The following LHX6 variants were observed in gnomAD, a reference collection of about 807,000 sequenced individuals.
The protein encoded by LHX6 is LIM homeobox 6.
In LHX6, 15 loss-of-function variants were observed where a neutral mutation model predicts 47.1. The ratio of observed to expected loss-of-function variants is 0.32; its 90% confidence interval spans 0.21 to 0.49. The LOEUF (loss-of-function observed/expected upper bound fraction) is 0.49. LHX6 is among the 20% of genes least tolerant of loss of function. The pLI is 0.99. For missense variants in LHX6, 404 were observed against 539.6 expected (o/e 0.75, Z 2.49); for synonymous variants, 242 against 233.5 (o/e 1.04, Z -0.33).
chr9:122,218,763 C>T (rs1259763475), intron 4 of LHX6, among the ~76,000 whole-genome samples: 5 of 152,126 alleles, frequency 3.3e-5, no homozygotes, highest in African/African-American at 1.2e-4. Context: ...AGATATGCCG[C>T]CCCACCATCC....
intron 1 of LHX6, chr9:122,228,234 G>A: frequency 6.5e-7 from 1 of 1,530,142 alleles, no homozygotes; most frequent in South Asian, 1.2e-5. Context: ...GGGCGAAACG[G>A]GACCAAAAAG....
Position 122,226,586 on chromosome 9 carries a change from G to A in LHX6, c.340-89C>T. 6.5e-7 allele frequency: 1 copy of A among 1,537,022 alleles called. No individual in the cohort carries two copies. The highest frequency in any genetic ancestry group is 2.3e-5 in the East Asian group (1 of 43,840). ...TTCCCGGTCTCATTTACAGTCAGAG[G>A]CGCTGAAGCTCAGAAGGTGCATGCG... On this transcript the variant is annotated intron_variant, in intron 3 of 9. Transcript: ENST00000394319. This position sits in a 1 kb window ranked among gnomAD's most constrained non-coding sequence, Gnocchi z 6.5.
At position 122,217,857 on chromosome 9, in the gene LHX6, T is replaced by G. The variant is rs1332079981; in HGVS notation, c.462-569A>C. On this transcript the variant is annotated intron_variant, in intron 4 of 9. Coordinates refer to ENST00000394319, the MANE Select transcript of LHX6 (RefSeq NM_014368.5). This position sits in a 1 kb window ranked among gnomAD's most constrained non-coding sequence, Gnocchi z 4.9. ...GACAGATAAGCACTTACTGGCTTTG[T>G]GACACTAGGCAAACTGTTTAACTCT... Among the ~76,000 whole-genome samples, 1 of 152,208 alleles carries G rather than the reference T, an allele frequency of 6.6e-6. No homozygotes were observed. The highest frequency in any genetic ancestry group is 2.4e-5 in the African/African-American group (1 of 41,452).
Position 122,204,482 on chromosome 9 carries a change from T to C in LHX6, c.*278A>G, listed in dbSNP as rs1830094874. 2.4e-6 allele frequency: 1 copy of C among 410,598 alleles called. No homozygotes were observed. Among genetic ancestry groups the C allele is most frequent in the Admixed American group, 4.4e-5 (1 of 22,904 alleles). The allele number at this position is 410,598 out of a possible 1,614,324, so 25.4% of individuals were successfully genotyped here. A position where few individuals can be genotyped will look rare whatever the true frequency, so the allele number is the denominator to read the frequency against. ...ATCAGCTGAAGTTGAAGAGGACTCCTGTTTAAATGGGAAAAACAGGCTGTT... is the reference window on the plus strand; with the variant it reads ...ATCAGCTGAAGTTGAAGAGGACTCCCGTTTAAATGGGAAAAACAGGCTGTT... On this transcript the variant is annotated 3_prime_UTR_variant, in exon 10 of 10. Transcript: ENST00000394319.
intron 9 of LHX6, 50 bp from the exon 10 acceptor site, chr9:122,204,830 C>T (rs1475436346): frequency 2.2e-6 from 3 of 1,356,500 alleles, no homozygotes; most frequent in Non-Finnish European, 3.0e-6. Context: ...CTGCCCCACC[C>T]TGCTGCCCCC....
At chr9:122,224,727 A>G (rs1295371787) in intron 4 of LHX6, among the ~76,000 whole-genome samples, 1 of 152,088 alleles carries the variant, frequency 6.6e-6, no homozygotes, top group Admixed American at 6.5e-5. Context: ...ATGCACACAC[A>G]CAGTCTCAAC....
At position 122,204,448 on chromosome 9, in the gene LHX6, GTTA is replaced by G. The variant is rs1409311358; in HGVS notation, c.*309_*311del. On this transcript the variant is annotated 3_prime_UTR_variant, in exon 10 of 10. Transcript: ENST00000394319. ...ATCGCACAATTCAATTCCGCCTTTT[GTTA>G]TTGTAATCAGCTGAAGTTGAAGAGG... 2 of 395,868 alleles carry G rather than the reference GTTA, an allele frequency of 5.1e-6. No individual in the cohort carries two copies. The highest frequency in any genetic ancestry group is 4.1e-5 in the African/African-American group (2 of 48,564). 24.5% of individuals were successfully genotyped at this position (395,868 alleles called of 1,614,324 possible).
At chr9:122,227,078 G>T in intron 2 of LHX6, 48 bp from the exon 3 acceptor site, 1 of 1,437,308 alleles carries the variant, frequency 7.0e-7, no homozygotes, top group Non-Finnish European at 9.1e-7. Flanking sequence ...GGCACCCAGA[G>T]TTGGGGCTGC....
Position 122,217,042 on chromosome 9 carries a change from G to A in LHX6, c.682+26C>T, listed in dbSNP as rs1830620138. On this transcript the variant is annotated intron_variant, in intron 5 of 9. Transcript: ENST00000394319. The surrounding 1 kb of genome is among the most constrained non-coding windows in gnomAD (Gnocchi z 4.9). Reference sequence around the variant, plus strand: ...GGGGTGGGAAAGGGCTGGGGGCAGAGGTGCCAGGCGGAGCAGGTTGGGTAC... The same window carrying A: ...GGGGTGGGAAAGGGCTGGGGGCAGAAGTGCCAGGCGGAGCAGGTTGGGTAC... The A allele has an allele frequency of 6.3e-7, 1 of 1,598,754 alleles. No homozygotes were observed. The highest frequency in any genetic ancestry group is 1.3e-5 in the African/African-American group (1 of 74,630).
chr9:122,227,282 G>T, intron 2 of LHX6, 127 bp downstream of exon 2: 1 of 1,030,048 alleles, frequency 9.7e-7, no homozygotes, highest in Non-Finnish European at 1.3e-6. Context: ...GAGGCTCAGA[G>T]AGGGGCGGCG....
Position 122,228,640 on chromosome 9 carries a change from G to A in LHX6, c.84+17C>T. On this transcript the variant is annotated intron_variant, in intron 1 of 9. Transcript: ENST00000394319. ...GACCCCGGCCCGGGCCGCTCACCCAGTCGTTCGCCGGCTCACCTGGTCGGT... is the reference window on the plus strand; with the variant it reads ...GACCCCGGCCCGGGCCGCTCACCCAATCGTTCGCCGGCTCACCTGGTCGGT... 1 of 1,304,538 alleles carries A rather than the reference G, an allele frequency of 7.7e-7. No homozygotes were observed. Among genetic ancestry groups the A allele is most frequent in the Non-Finnish European group, 9.7e-7 (1 of 1,029,424 alleles). 80.8% of individuals were successfully genotyped at this position (1,304,538 alleles called of 1,614,324 possible).
intron 1 of LHX6, chr9:122,227,952 ACC>A: frequency 7.6e-6 from 1 of 131,682 alleles, no homozygotes. Flanking sequence ...TTCTCTCTCC[ACC>A]CGCCCCCCCA....
At position 122,204,526 on chromosome 9, in the gene LHX6, T is replaced by G. The variant is rs1830096025; in HGVS notation, c.*234A>C. The G allele has an allele frequency of 2.3e-6, 1 of 426,558 alleles. No homozygotes were observed. Among genetic ancestry groups the G allele is most frequent in the Non-Finnish European group, 4.2e-6 (1 of 239,114 alleles). 26.4% of individuals were successfully genotyped at this position (426,558 alleles called of 1,614,324 possible). A position where few individuals can be genotyped will look rare whatever the true frequency, so the allele number is the denominator to read the frequency against. On this transcript the variant is annotated 3_prime_UTR_variant, in exon 10 of 10. Transcript: ENST00000394319. ...GGCTGTTTCCACCCTGATTCCAGAT[T>G]TCAGGGAGTTCTGCCTTCCAAGAGG...
At position 122,228,703 on chromosome 9, in the gene LHX6, G is replaced by C; in HGVS notation, c.38C>G (p.Pro13Arg). The C allele has an allele frequency of 7.7e-7, 1 of 1,291,976 alleles. No individual in the cohort carries two copies. Among genetic ancestry groups the C allele is most frequent in the Non-Finnish European group, 9.8e-7 (1 of 1,019,676 alleles). 80.0% of individuals were successfully genotyped at this position (1,291,976 alleles called of 1,614,324 possible). Residue 13 changes from proline to arginine, a missense_variant, in exon 1 of 10, where the codon CCC becomes CGC. Pro to Arg is a moderately radical substitution (Grantham distance 103, BLOSUM62 -2). This residue lies in a region of LHX6 where 144 missense variants were observed against 128.7 expected (regional missense o/e 1.12). Coordinates refer to ENST00000394319, the MANE Select transcript of LHX6 (RefSeq NM_014368.5). ...CTCGGCCGGCAGCCGGCAGCCCTCG[G>C]GCAACGCCGGGGCGGCGTTCTCATG... is the stretch of plus-strand genomic sequence containing the variant. ...WKHENAAPAL[P>R]EGCRLPAEGG...
Position 122,214,261 on chromosome 9 carries a change from C to G in LHX6, c.783+22G>C. On this transcript the variant is annotated intron_variant, in intron 6 of 9. Coordinates refer to ENST00000394319, the MANE Select transcript of LHX6 (RefSeq NM_014368.5). The surrounding 1 kb of genome is among the most constrained non-coding windows in gnomAD (Gnocchi z 4.6). Reference sequence around the variant, plus strand: ...CTTTCGGCCCGGCCCCCGCCCCCGCCGCCCACTGCTTGCAGCGGTACCTGC... The same window carrying G: ...CTTTCGGCCCGGCCCCCGCCCCCGCGGCCCACTGCTTGCAGCGGTACCTGC... 6.4e-7 allele frequency: 1 copy of G among 1,565,746 alleles called. No individual in the cohort carries two copies. Among genetic ancestry groups the G allele is most frequent in the South Asian group, 1.2e-5 (1 of 86,352 alleles).
intron 4 of LHX6, among the ~76,000 whole-genome samples, chr9:122,223,606 C>T (rs953435033): frequency 2.0e-5 from 3 of 152,146 alleles, no homozygotes; most frequent in African/African-American, 7.2e-5. Context: ...CAGCAACTTG[C>T]GAAGGTCACT....
intron 9 of LHX6, among the ~76,000 whole-genome samples, chr9:122,206,235 G>A (rs572472776): frequency 1.3e-5 from 2 of 152,324 alleles, no homozygotes; most frequent in African/African-American, 4.8e-5. Context: ...TGAGTGCTCA[G>A]AGCACTGTTC....
chr9:122,221,619 T>G (rs1048456915), intron 4 of LHX6: 51 of 985,378 alleles, frequency 5.2e-5, no homozygotes, highest in Admixed American at 6.1e-5. Flanking sequence ...CCCACTCCCA[T>G]TGTCAGAAGG....
intron 1 of LHX6, chr9:122,227,952 A>ACCCCCCCCCCCCCCCCCCCCCCCCTC (rs1383374671): frequency 2.3e-5 from 3 of 132,394 alleles, no homozygotes; most frequent in Non-Finnish European, 3.2e-5. Context: ...TTCTCTCTCC[A>ACCCCCCCCCCCCCCCCCCCCCCCCTC]CCCGCCCCCC....
Sources: allele counts gnomAD v4.1 joint callset (sites outside exome capture counted in the v4.1 genomes callset), GRCh38; gene constraint gnomAD v4.1.1; regional missense constraint gnomAD v4.1.1; non-coding constraint Gnocchi (gnomAD v3.1); transcripts MANE v1.5; gene names NCBI Gene and HGNC (gene_info 2026-07-23, HGNC 2026-07-21).